Variants in RMND1 observed in about 807,000 individuals in gnomAD.
RMND1 encodes required for meiotic nuclear division protein 1 homolog.
Under a neutral mutation model 54.0 loss-of-function variants are expected in RMND1, and 41 were observed. The observed-to-expected ratio is 0.76, with a 90% CI of 0.59 to 0.98. The LOEUF (loss-of-function observed/expected upper bound fraction) is 0.98, where lower values mean the gene tolerates loss of function less well. RMND1 is among the 50% of genes least tolerant of loss of function. RMND1 has a pLI of 0.00. For synonymous variants in RMND1, 183 were observed against 181.7 expected (o/e 1.01, Z -0.06); for missense variants, 457 against 532.0 (o/e 0.86, Z 1.39).
intron 3 of RMND1, 36 bp downstream of exon 3, chr6:151,436,406 ACATT>A (rs774704028): frequency 6.2e-7 from 1 of 1,611,312 alleles, no homozygotes. Flanking sequence ...ATTATCCAAT[ACATT>A]TTAACATACT....
At chr6:151,409,490 A>T (rs769747685) in intron 10 of RMND1, among the ~76,000 whole-genome samples, 1 of 152,186 alleles carries the variant, frequency 6.6e-6, no homozygotes, top group African/African-American at 2.4e-5. Context: ...GTGGGGGGGA[A>T]TTTCAAAAGT....
At chr6:151,420,079 A>G (rs1780114682) in intron 9 of RMND1, among the ~76,000 whole-genome samples, 2 of 152,334 alleles carry the variant, frequency 1.3e-5, no homozygotes, top group South Asian at 2.1e-4. Flanking sequence ...AGGAAACAGG[A>G]TAGTAAAAGT....
chr6:151,445,280 A>C (rs1377220146), intron 2 of RMND1, 28 bp downstream of exon 2: 9 of 1,579,100 alleles, frequency 5.7e-6, no homozygotes, highest in Non-Finnish European at 7.7e-6. Context: ...ATCACTAAGC[A>C]CGAGAGCCAC....
At chr6:151,443,035 A>G (rs1168429005) in intron 2 of RMND1, among the ~76,000 whole-genome samples, 1 of 152,176 alleles carries the variant, frequency 6.6e-6, no homozygotes, top group Non-Finnish European at 1.5e-5. Context: ...AATAAAGTCC[A>G]CATGCTTTCT....
intron 4 of RMND1, among the ~76,000 whole-genome samples, chr6:151,432,305 C>T (rs13205308): frequency 0.14 from 21,697 of 152,090 alleles, 1,722 homozygotes; most frequent in East Asian, 0.36. Flanking sequence ...ATTCCTCACT[C>T]GGAACAACAG....
intron 10 of RMND1, among the ~76,000 whole-genome samples, chr6:151,409,978 G>A (rs954770694): frequency 2.0e-5 from 3 of 151,878 alleles, no homozygotes; most frequent in Admixed American, 1.3e-4. Context: ...CATGTCTTAT[G>A]CCTACTCACC....
intron 2 of RMND1, among the ~76,000 whole-genome samples, chr6:151,438,920 C>T (rs1010332832): frequency 2.0e-5 from 3 of 151,988 alleles, no homozygotes; most frequent in East Asian, 3.9e-4. Context: ...TCGAGACGAG[C>T]CTGGTCAACG....
intron 2 of RMND1, among the ~76,000 whole-genome samples, chr6:151,440,732 GT>G (rs1174167835): frequency 1.3e-5 from 2 of 152,146 alleles, no homozygotes; most frequent in African/African-American, 2.4e-5. Flanking sequence ...TGAACTTGAC[GT>G]TTTAGACACT....
chr6:151,430,775 A>C (rs1562793610), intron 4 of RMND1, among the ~76,000 whole-genome samples: 1 of 152,198 alleles, frequency 6.6e-6, no homozygotes, highest in Non-Finnish European at 1.5e-5. Flanking sequence ...TGATTTCTCA[A>C]GTTTGACGTG....
At chr6:151,431,226 T>C (rs1005517095) in intron 4 of RMND1, among the ~76,000 whole-genome samples, 1 of 151,976 alleles carries the variant, frequency 6.6e-6, no homozygotes, top group Admixed American at 6.6e-5. Flanking sequence ...AAACAGCCAG[T>C]AGCTGCGTGG....
intron 10 of RMND1, among the ~76,000 whole-genome samples, chr6:151,412,565 G>T (rs1048646436): frequency 6.6e-6 from 1 of 152,112 alleles, no homozygotes; most frequent in African/African-American, 2.4e-5. Context: ...AGTCTCTCTT[G>T]CTCTCTGTAT....
At chr6:151,406,529 T>G (rs1158966027) in intron 10 of RMND1, among the ~76,000 whole-genome samples, 2 of 152,042 alleles carry the variant, frequency 1.3e-5, no homozygotes, top group African/African-American at 2.4e-5. Flanking sequence ...GCCCGGCTAA[T>G]TTTTGTATTT....
At chr6:151,444,923 C>CAA (rs1767554070) in intron 2 of RMND1, 1 of 164,586 alleles carries the variant, frequency 6.1e-6, no homozygotes, top group African/African-American at 2.4e-5. Flanking sequence ...AAAGGCTTAT[C>CAA]TGTCTGCAGA....
chr6:151,439,024 G>A (rs894685871), intron 2 of RMND1, among the ~76,000 whole-genome samples: 1 of 152,152 alleles, frequency 6.6e-6, no homozygotes, highest in African/African-American at 2.4e-5. Context: ...CAAGGCAGGA[G>A]AATCCCTTGA....
chr6:151,409,146 G>A (rs1779722984), intron 10 of RMND1, among the ~76,000 whole-genome samples: 1 of 152,210 alleles, frequency 6.6e-6, no homozygotes, highest in Non-Finnish European at 1.5e-5. Context: ...GACTGAGAGA[G>A]TCAAGAAGGA....
intron 7 of RMND1, 89 bp downstream of exon 7, chr6:151,423,436 C>T: frequency 1.2e-6 from 1 of 830,544 alleles, no homozygotes; most frequent in Non-Finnish European, 2.0e-6. Flanking sequence ...GTTGAGTATT[C>T]TGAAAATATA....
chr6:151,405,283 G>C lies in RMND1; in HGVS notation c.1318-16C>G. Reference sequence around the variant, plus strand: ...CAAACATTACCTTAGAATAGAAAGTGAGAATTATTTCATGACGGGCAAATT... The same window carrying C: ...CAAACATTACCTTAGAATAGAAAGTCAGAATTATTTCATGACGGGCAAATT... On this transcript the variant is annotated splice_polypyrimidine_tract_variant and intron_variant, in intron 11 of 11. Coordinates refer to ENST00000444024, the MANE Select transcript of RMND1 (RefSeq NM_017909.4). 1 of 1,610,622 alleles carries C rather than the reference G, an allele frequency of 6.2e-7. No individual in the cohort carries two copies. The highest frequency in any genetic ancestry group is 8.5e-7 in the Non-Finnish European group (1 of 1,177,210).
chr6:151,408,224 G>T (rs1779695472), intron 10 of RMND1, among the ~76,000 whole-genome samples: 1 of 152,144 alleles, frequency 6.6e-6, no homozygotes, highest in African/African-American at 2.4e-5. Context: ...GCTGGGGGCG[G>T]TGGCTCCCAT....
intron 9 of RMND1, among the ~76,000 whole-genome samples, chr6:151,420,243 T>A (rs542001712): frequency 6.6e-6 from 1 of 152,264 alleles, no homozygotes; most frequent in East Asian, 1.9e-4. Flanking sequence ...ATTTGAGGCT[T>A]CAGATATGCT....
Sources: allele counts gnomAD v4.1 joint callset (sites outside exome capture counted in the v4.1 genomes callset), GRCh38; gene constraint gnomAD v4.1.1; transcripts MANE v1.5; gene names NCBI Gene and HGNC (gene_info 2026-07-23, HGNC 2026-07-21).